The following FHIT variants were observed in gnomAD, a reference collection of about 807,000 sequenced individuals.
FHIT encodes bis(5'-adenosyl)-triphosphatase.
In FHIT, 19 loss-of-function variants were observed where a neutral mutation model predicts 17.9. The observed-to-expected ratio is 1.06, with a 90% CI of 0.74 to 1.56. FHIT has a LOEUF of 1.56. FHIT is among the 40% of genes most tolerant of loss of function. The pLI, the probability that FHIT is intolerant of heterozygous loss-of-function variation, is 0.00. For synonymous variants in FHIT, 81 were observed against 69.7 expected (o/e 1.16, Z -0.81); for missense variants, 248 against 189.2 (o/e 1.31, Z -1.82).
intron 5 of FHIT, among the ~76,000 whole-genome samples, chr3:60,250,455 A>G (rs1705641477): frequency 6.6e-6 from 1 of 152,168 alleles, no homozygotes; most frequent in Non-Finnish European, 1.5e-5. Flanking sequence ...CGGCCAGAAA[A>G]GTACAAAACA....
chr3:61,049,638 T>C (rs1423372038), intron 2 of FHIT, among the ~76,000 whole-genome samples: 1 of 152,192 alleles, frequency 6.6e-6, no homozygotes, highest in Admixed American at 6.5e-5. Flanking sequence ...CTATGAAGTA[T>C]TCTTGCCTAA....
At chr3:60,663,102 A>G (rs1411073882) in intron 4 of FHIT, among the ~76,000 whole-genome samples, 1 of 127,688 alleles carries the variant, frequency 7.8e-6, no homozygotes, top group East Asian at 2.5e-4. Context: ...TCTTCTGCCA[A>G]AACCATGTTG....
chr3:60,002,502 C>A (rs868012480), intron 7 of FHIT, among the ~76,000 whole-genome samples: 1 of 152,158 alleles, frequency 6.6e-6, no homozygotes, highest in Non-Finnish European at 1.5e-5. Context: ...GACCCTTTCC[C>A]AGCACTAACA....
At chr3:60,540,212 G>A (rs1418001595) in intron 4 of FHIT, among the ~76,000 whole-genome samples, 3 of 152,124 alleles carry the variant, frequency 2.0e-5, no homozygotes, top group Non-Finnish European at 4.4e-5. Context: ...CGCCCTGGGA[G>A]AGCATGGAAG....
chr3:60,123,356 T>G (rs201930864), intron 5 of FHIT, among the ~76,000 whole-genome samples: 1 of 152,308 alleles, frequency 6.6e-6, no homozygotes, highest in East Asian at 1.9e-4. Flanking sequence ...GTTGGCTCAT[T>G]TGCTGAAAAC....
intron 8 of FHIT, among the ~76,000 whole-genome samples, chr3:59,753,240 A>C (rs1701016496): frequency 6.6e-6 from 1 of 152,176 alleles, no homozygotes; most frequent in Admixed American, 6.5e-5. Context: ...ATTTCCATTA[A>C]AAGAGGGTTC....
chr3:60,355,423 T>C (rs1347819864), intron 5 of FHIT, among the ~76,000 whole-genome samples: 4 of 152,098 alleles, frequency 2.6e-5, no homozygotes, highest in Non-Finnish European at 5.9e-5. Flanking sequence ...ATGAACTTTT[T>C]GGGTTGCATA....
At chr3:60,453,637 A>G (rs534756004) in intron 5 of FHIT, among the ~76,000 whole-genome samples, 2 of 152,294 alleles carry the variant, frequency 1.3e-5, no homozygotes, top group African/African-American at 4.8e-5. Context: ...CTATGTAAGT[A>G]TTTCAGCTCT....
intron 5 of FHIT, among the ~76,000 whole-genome samples, chr3:60,120,226 T>C (rs74405090): frequency 0.032 from 4,864 of 152,288 alleles, 253 homozygotes; most frequent in African/African-American, 0.11. Context: ...AACTGGACAG[T>C]AAACTCTCTG....
intron 2 of FHIT, among the ~76,000 whole-genome samples, chr3:61,153,634 A>G (rs1382663649): frequency 2.0e-5 from 3 of 152,206 alleles, no homozygotes; most frequent in African/African-American, 7.2e-5. Flanking sequence ...ATCCTTTCTC[A>G]GGTAAAGATA....
chr3:60,191,244 G>C (rs911115977), intron 5 of FHIT, among the ~76,000 whole-genome samples: 3 of 152,020 alleles, frequency 2.0e-5, no homozygotes, highest in African/African-American at 7.2e-5. Flanking sequence ...ATTAAGAACA[G>C]AATTTATACA....
intron 4 of FHIT, among the ~76,000 whole-genome samples, chr3:60,763,054 C>T (rs1303600534): frequency 6.6e-6 from 1 of 152,130 alleles, no homozygotes; most frequent in Non-Finnish European, 1.5e-5. Flanking sequence ...TCTGACACAT[C>T]TGAGATCACC....
At chr3:59,787,456 T>G (rs1037832984) in intron 8 of FHIT, among the ~76,000 whole-genome samples, 1 of 149,386 alleles carries the variant, frequency 6.7e-6, no homozygotes, top group Non-Finnish European at 1.5e-5. Flanking sequence ...AAATTTCTCA[T>G]GCATACCAGA....
chr3:60,978,886 G>C (rs1710373284), intron 3 of FHIT, among the ~76,000 whole-genome samples: 1 of 152,094 alleles, frequency 6.6e-6, no homozygotes, highest in African/African-American at 2.4e-5. Context: ...ACAGCTATGG[G>C]TTGTGTAGAG....
intron 1 of FHIT, among the ~76,000 whole-genome samples, chr3:61,205,228 A>G (rs1203775955): frequency 3.9e-5 from 6 of 152,080 alleles, no homozygotes; most frequent in East Asian, 1.9e-4. Flanking sequence ...TCATTGTTGG[A>G]CATTTGGGTC....
intron 5 of FHIT, among the ~76,000 whole-genome samples, chr3:60,496,940 G>A (rs1054018458): frequency 1.3e-5 from 2 of 151,712 alleles, no homozygotes; most frequent in African/African-American, 2.4e-5. Context: ...TAGGGATACA[G>A]ATGCACATTA....
At chr3:60,133,042 A>G (rs1254025615) in intron 5 of FHIT, among the ~76,000 whole-genome samples, 2 of 152,196 alleles carry the variant, frequency 1.3e-5, no homozygotes, top group Non-Finnish European at 2.9e-5. Flanking sequence ...CTACCGAAAC[A>G]TGAAAGACTA....
chr3:60,243,985 A>T (rs1173090140), intron 5 of FHIT, among the ~76,000 whole-genome samples: 1 of 152,038 alleles, frequency 6.6e-6, no homozygotes, highest in Non-Finnish European at 1.5e-5. Context: ...TGGTTTGTAT[A>T]GCTGAAAAAC....
At chr3:59,771,384 T>TA (rs1381047630) in intron 8 of FHIT, among the ~76,000 whole-genome samples, 3 of 152,128 alleles carry the variant, frequency 2.0e-5, no homozygotes, top group African/African-American at 7.2e-5. Context: ...TAATAATTTT[T>TA]AAAAAAGACA....
Sources: allele counts gnomAD v4.1 joint callset (sites outside exome capture counted in the v4.1 genomes callset), GRCh38; gene constraint gnomAD v4.1.1; transcripts MANE v1.5; gene names NCBI Gene and HGNC (gene_info 2026-07-23, HGNC 2026-07-21).